Variants in RANBP2 observed in about 807,000 individuals in gnomAD.
The protein encoded by RANBP2 is RAN binding protein 2.
Under a neutral mutation model 303.6 loss-of-function variants are expected in RANBP2, and 57 were observed. The observed-to-expected ratio is 0.19, with a 90% CI of 0.15 to 0.23. RANBP2 has a LOEUF of 0.23. Among genes scored for constraint, RANBP2 ranks in the 10% least tolerant of loss-of-function variants. The pLI is 1.00. For missense variants in RANBP2, 3,138 were observed against 3,780.8 expected, an observed-to-expected ratio of 0.83 and a Z score of 4.46; for synonymous variants, 1,167 against 1,301.5, an observed-to-expected ratio of 0.90 and a Z score of 2.23.
the RANBP2 span, among the ~76,000 whole-genome samples, chr2:108,993,227 CAGA>C: frequency 2.6e-4 from 39 of 152,174 alleles, no homozygotes; most frequent in African/African-American, 9.2e-4. Context: ...CAGAGTTGGG[CAGA>C]AGGTGTTTCA....
the RANBP2 span, among the ~76,000 whole-genome samples, chr2:109,561,498 C>G: frequency 2.6e-5 from 4 of 152,056 alleles, no homozygotes; most frequent in Admixed American, 1.3e-4. Context: ...TTTAGCAGAG[C>G]CTTTTAAAAA....
intron 14 of RANBP2, 94 bp from the exon 15 acceptor site, chr2:108,753,731 G>C: frequency 1.2e-6 from 2 of 1,604,634 alleles, no homozygotes; most frequent in African/African-American, 1.3e-5. Context: ...CTCCCGAGTA[G>C]CTGGGATTAC....
chr2:109,326,727 C>A, the RANBP2 span, among the ~76,000 whole-genome samples: 1 of 152,192 alleles, frequency 6.6e-6, no homozygotes, highest in Non-Finnish European at 1.5e-5. Flanking sequence ...GTAGTTCTTA[C>A]CTGGTGTTTA....
the RANBP2 span, among the ~76,000 whole-genome samples, chr2:109,009,562 C>G: frequency 6.6e-6 from 1 of 152,054 alleles, no homozygotes; most frequent in Non-Finnish European, 1.5e-5. Context: ...CTCTGTCACT[C>G]TCACCCAGGG....
the RANBP2 span, among the ~76,000 whole-genome samples, chr2:109,170,302 CTCTTCTCTT>C: frequency 2.2e-3 from 284 of 126,376 alleles, 2 homozygotes; most frequent in East Asian, 0.013. Flanking sequence ...CTCTTCTCTT[CTCTTCTCTT>C]CTCTCCTCTC....
At chr2:108,934,101 A>G in the RANBP2 span, among the ~76,000 whole-genome samples, 22 of 152,336 alleles carry the variant, frequency 1.4e-4, no homozygotes, top group African/African-American at 5.3e-4. Context: ...AGGAGCACTT[A>G]TCGAAAGGCG....
At chr2:109,367,247 A>G in the RANBP2 span, among the ~76,000 whole-genome samples, 1 of 151,014 alleles carries the variant, frequency 6.6e-6, no homozygotes, top group Non-Finnish European at 1.5e-5. Context: ...TACAGGTGTG[A>G]GCCACTGTGC....
At chr2:109,087,984 G>A in the RANBP2 span, among the ~76,000 whole-genome samples, 4 of 152,208 alleles carry the variant, frequency 2.6e-5, no homozygotes, top group Non-Finnish European at 5.9e-5. Context: ...AGTTTCTTCG[G>A]CCGGGCGCGT....
chr2:109,440,324 G>A, the RANBP2 span, among the ~76,000 whole-genome samples: 3,686 of 152,294 alleles, frequency 0.024, 53 homozygotes, highest in Non-Finnish European at 0.037. Context: ...GAGGCCAGGG[G>A]CCCATGGACG....
At chr2:109,629,235 T>TAAATAAATAAA in the RANBP2 span, among the ~76,000 whole-genome samples, 11,105 of 138,060 alleles carry the variant, frequency 0.08, 681 homozygotes, top group Non-Finnish European at 0.12. Context: ...AATAAATAAA[T>TAAATAAATAAA]AAAATGCTTA....
the RANBP2 span, among the ~76,000 whole-genome samples, chr2:109,296,133 G>A: frequency 6.6e-6 from 1 of 152,040 alleles, no homozygotes; most frequent in Non-Finnish European, 1.5e-5. Flanking sequence ...ACGTCTGTGC[G>A]CAGCCCCCAA....
the RANBP2 span, among the ~76,000 whole-genome samples, chr2:109,377,810 C>A: frequency 6.6e-6 from 1 of 152,136 alleles, no homozygotes; most frequent in Non-Finnish European, 1.5e-5. Flanking sequence ...CCTGTAGCAC[C>A]GGTGCCTCCT....
At chr2:109,700,451 G>A in the RANBP2 span, among the ~76,000 whole-genome samples, 2 of 152,252 alleles carry the variant, frequency 1.3e-5, no homozygotes, top group East Asian at 1.9e-4. Flanking sequence ...AACTGCAAGC[G>A]AAGGCAGGAG....
intron 16 of RANBP2, 39 bp from the exon 17 acceptor site, chr2:108,755,137 T>G: frequency 6.2e-7 from 1 of 1,611,948 alleles, no homozygotes; most frequent in Non-Finnish European, 8.5e-7. Flanking sequence ...CTGTTCTAAG[T>G]GTTTTAAATG....
the RANBP2 span, among the ~76,000 whole-genome samples, chr2:109,402,898 G>A: frequency 6.1e-4 from 93 of 152,276 alleles, 1 homozygote; most frequent in African/African-American, 2.2e-3. Flanking sequence ...GGTCCAAACA[G>A]CAGGCGTCTG....
In RANBP2 at chr2:108,719,681, G is replaced by A. The variant is rs1184118264; in HGVS notation, c.72+3G>A. 1 of 1,603,780 alleles carries A rather than the reference G, an allele frequency of 6.2e-7. No homozygotes were observed. Among genetic ancestry groups the A allele is most frequent in the South Asian group, 1.1e-5 (1 of 89,584 alleles). ...GCTCCACCCCGTCGCCTCGACAGGT[G>A]AGTGGGTCTCGAAGAGACCGACGGC... is the stretch of plus-strand genomic sequence containing the variant. On this transcript the variant is annotated splice_donor_region_variant and intron_variant, in intron 1 of 28. Coordinates refer to ENST00000283195, the MANE Select transcript of RANBP2 (RefSeq NM_006267.5).
At chr2:109,128,968 G>C in the RANBP2 span, 1 of 422,002 alleles carries the variant, frequency 2.4e-6, no homozygotes, top group Admixed American at 2.6e-5. Flanking sequence ...CGTGACCTCC[G>C]CGCGCACCCC....
chr2:109,631,295 ACTCCTAC>A, the RANBP2 span, among the ~76,000 whole-genome samples: 1 of 151,880 alleles, frequency 6.6e-6, no homozygotes, highest in South Asian at 2.1e-4. Flanking sequence ...TCAGCCCTAC[ACTCCTAC>A]CTCCATGTAG....
chr2:108,836,714 T>C, the RANBP2 span, among the ~76,000 whole-genome samples: 3 of 152,196 alleles, frequency 2.0e-5, no homozygotes, highest in Non-Finnish European at 4.4e-5. Context: ...TCATTCTATT[T>C]ATTTGTGTCT....
Sources: allele counts gnomAD v4.1 joint callset (sites outside exome capture counted in the v4.1 genomes callset), GRCh38; gene constraint gnomAD v4.1.1; transcripts MANE v1.5; gene names NCBI Gene and HGNC (gene_info 2026-07-23, HGNC 2026-07-21).